WDR76: variants seen among roughly 807,000 people sequenced by gnomAD.
The protein encoded by WDR76 is WD repeat domain 76, also known as WD repeat-containing protein 76.
Under a neutral mutation model 70.2 loss-of-function variants are expected in WDR76, and 52 were observed. The ratio of observed to expected loss-of-function variants is 0.74; its 90% CI spans 0.59 to 0.93. The LOEUF (loss-of-function observed/expected upper bound fraction) is 0.93. Among genes scored for constraint, WDR76 ranks in the 40% least tolerant of loss-of-function variants. The probability of loss-of-function intolerance (pLI) is 0.00; values close to 1 mark genes in which losing one functional copy is unlikely to be tolerated. For missense variants in WDR76, 756 were observed against 760.2 expected (o/e 0.99, Z 0.07); for synonymous variants, 292 against 271.1 (o/e 1.08, Z -0.76).
intron 9 of WDR76, among the ~76,000 whole-genome samples, chr15:43,852,289 T>A (rs1023854071): frequency 3.3e-5 from 5 of 152,070 alleles, no homozygotes; most frequent in African/African-American, 1.2e-4. Context: ...GTTCAAGCAA[T>A]TCTTCTGCCT....
chr15:43,866,679 T>C lies in WDR76; in HGVS notation c.*287T>C. The C allele has an allele frequency of 3.3e-6, 1 of 304,526 alleles. No individual in the cohort carries two copies. Among genetic ancestry groups the C allele is most frequent in the Non-Finnish European group, 6.0e-6 (1 of 167,562 alleles). 18.9% of individuals were successfully genotyped at this position (304,526 alleles called of 1,614,324 possible). A position where few individuals can be genotyped will look rare whatever the true frequency, so the allele number is the denominator to read the frequency against. On this transcript the variant is annotated 3_prime_UTR_variant, in exon 13 of 13. Coordinates refer to ENST00000263795, the MANE Select transcript of WDR76 (RefSeq NM_024908.4). ...TTTGCTCTTGTTGCCCAGGCTGGAG[T>C]GCAATAGCGCGATCTTGGCTCACCG...
Position 43,866,977 on chromosome 15 carries a change from AT to A in WDR76, c.*587del, listed in dbSNP as rs1475450477. The A allele has an allele frequency of 6.6e-6, 1 of 152,476 alleles. No individual in the cohort carries two copies. The highest frequency in any genetic ancestry group is 1.5e-5 in the Non-Finnish European group (1 of 68,254). 9.4% of individuals were successfully genotyped at this position (152,476 alleles called of 1,614,324 possible). On this transcript the variant is annotated 3_prime_UTR_variant, in exon 13 of 13. Transcript: ENST00000263795. ...ATGTTGAGAAATTCTAACATTATAA[AT>A]TACAAAGCTTTGACTATTAAAGTTT...
chr15:43,845,692 TTGA>T (rs1355086720), intron 8 of WDR76, among the ~76,000 whole-genome samples: 5 of 150,696 alleles, frequency 3.3e-5, no homozygotes, highest in African/African-American at 1.2e-4. Context: ...TTAGTTATCT[TTGA>T]TGAGTCAGAA....
intron 12 of WDR76, among the ~76,000 whole-genome samples, chr15:43,862,904 A>G (rs1242490640): frequency 6.6e-6 from 1 of 151,588 alleles, no homozygotes; most frequent in Non-Finnish European, 1.5e-5. Flanking sequence ...TGGCCTCCCA[A>G]AGTGCTGGGA....
intron 10 of WDR76, 119 bp downstream of exon 10, chr15:43,857,282 C>G: frequency 9.0e-7 from 1 of 1,113,626 alleles, no homozygotes; most frequent in South Asian, 2.1e-5. Flanking sequence ...TTGTAATACC[C>G]AAAGGCCAAG....
chr15:43,853,538 C>T (rs1460253990), intron 9 of WDR76, among the ~76,000 whole-genome samples: 1 of 152,122 alleles, frequency 6.6e-6, no homozygotes, highest in Non-Finnish European at 1.5e-5. Context: ...AGGTGGAGAA[C>T]TCCTATAGCT....
intron 1 of WDR76, 152 bp from the exon 2 acceptor site, chr15:43,827,813 G>C: frequency 1.2e-6 from 1 of 804,954 alleles, no homozygotes; most frequent in Non-Finnish European, 1.9e-6. Context: ...CCAAAGTGCT[G>C]GGATTACAGG....
intron 5 of WDR76, among the ~76,000 whole-genome samples, chr15:43,842,043 T>A (rs2087731699): frequency 6.6e-6 from 1 of 152,052 alleles, no homozygotes; most frequent in Non-Finnish European, 1.5e-5. Context: ...AATTTTTGTA[T>A]TTTTAGTAGA....
At chr15:43,863,805 C>T (rs577373073) in intron 12 of WDR76, 1 of 152,366 alleles carries the variant, frequency 6.6e-6, no homozygotes, top group Admixed American at 6.5e-5. Context: ...CCGATCCTCC[C>T]ACGTGGGCCT....
At chr15:43,865,990 G>T in intron 12 of WDR76, 138 bp from the exon 13 acceptor site, 1 of 991,372 alleles carries the variant, frequency 1.0e-6, no homozygotes. Flanking sequence ...GGTAAGGTTG[G>T]TGGTAACTCA....
Position 43,850,497 on chromosome 15 carries a change from A to G in WDR76, c.1033-590A>G, listed in dbSNP as rs182215502. Among the ~76,000 whole-genome samples, 920 of 151,888 alleles carry G rather than the reference A, an allele frequency of 6.1e-3. 10 individuals carry two copies. Among genetic ancestry groups the G allele is most frequent in the African/African-American group, 0.015 (619 of 41,416 alleles). ...TTTTTAGTAGAGATGGGGTTTCACC[A>G]TGTTAGCCAGGATGGTCTCGATCTC... is the stretch of plus-strand genomic sequence containing the variant. On this transcript the variant is annotated intron_variant, in intron 8 of 12. Transcript: ENST00000263795.
At chr15:43,848,369 C>T (rs1268031748) in intron 8 of WDR76, among the ~76,000 whole-genome samples, 2 of 152,220 alleles carry the variant, frequency 1.3e-5, no homozygotes, top group Non-Finnish European at 2.9e-5. Flanking sequence ...AATTTAGCTT[C>T]TGCCCTGCCC....
intron 12 of WDR76, among the ~76,000 whole-genome samples, chr15:43,862,276 CTTTTTTTTTTT>C: frequency 2.4e-5 from 1 of 42,152 alleles, no homozygotes; most frequent in African/African-American, 9.5e-5. Context: ...TTATCAGTTT[CTTTTTTTTTTT>C]TTTTTTTTTT....
intron 2 of WDR76, among the ~76,000 whole-genome samples, chr15:43,829,367 G>C (rs140547981): frequency 6.6e-6 from 1 of 152,010 alleles, no homozygotes; most frequent in Admixed American, 6.6e-5. Flanking sequence ...TATAATTGAA[G>C]GCTTGTTGTT....
At chr15:43,862,888 C>A (rs1162512873) in intron 12 of WDR76, among the ~76,000 whole-genome samples, 2 of 152,134 alleles carry the variant, frequency 1.3e-5, no homozygotes, top group Non-Finnish European at 2.9e-5. Context: ...AAGCGGCCAC[C>A]CACCTTGGCC....
Position 43,868,002 on chromosome 15 carries a change from T to C in WDR76, c.*1610T>C. 1 of 152,210 alleles carries C rather than the reference T, an allele frequency of 6.6e-6. No individual in the cohort carries two copies. The highest frequency in any genetic ancestry group is 6.6e-5 in the Admixed American group (1 of 15,266). The allele number at this position is 152,210 out of a possible 1,614,324, so 9.4% of individuals were successfully genotyped here. ...GAAATATAGTGATATACAATTTCCT[T>C]GAAAACCAATTTCTAAATAATTTTC... On this transcript the variant is annotated 3_prime_UTR_variant, in exon 13 of 13. Transcript: ENST00000263795.
chr15:43,866,001 G>C, intron 12 of WDR76, 127 bp from the exon 13 acceptor site: 1 of 1,156,530 alleles, frequency 8.6e-7, no homozygotes, highest in Non-Finnish European at 1.2e-6. Flanking sequence ...TGGTAACTCA[G>C]TAACTTAATG....
Position 43,846,120 on chromosome 15 carries a change from A to G in WDR76, c.1032+2066A>G, listed in dbSNP as rs138099933. ...AGGTTGACAGAGCCTTTTGCAGAGA[A>G]GTTAAAAGAATGGAGAAAAGGCCAT... On this transcript the variant is annotated intron_variant, in intron 8 of 12. Coordinates refer to ENST00000263795, the MANE Select transcript of WDR76 (RefSeq NM_024908.4). Among the ~76,000 whole-genome samples, 309 of 150,038 alleles carry G rather than the reference A, an allele frequency of 2.1e-3. 4 individuals are homozygous for G. The highest frequency in any genetic ancestry group is 7.1e-3 in the African/African-American group (295 of 41,424).
At chr15:43,834,436 G>T (rs1481194397) in intron 2 of WDR76, among the ~76,000 whole-genome samples, 1 of 151,016 alleles carries the variant, frequency 6.6e-6, no homozygotes, top group African/African-American at 2.4e-5. Context: ...GAGTAGCTGG[G>T]ATTACAGGCT....
Sources: allele counts gnomAD v4.1 joint callset (sites outside exome capture counted in the v4.1 genomes callset), GRCh38; gene constraint gnomAD v4.1.1; transcripts MANE v1.5; gene names NCBI Gene and HGNC (gene_info 2026-07-23, HGNC 2026-07-21).